Variants in PRTG observed in about 807,000 individuals in gnomAD.
PRTG encodes protogenin, also known as immunoglobulin superfamily, DCC subclass, member 5.
In PRTG, 67 loss-of-function variants were observed where a neutral mutation model predicts 122.5. The observed-to-expected ratio is 0.55, with a 90% CI of 0.45 to 0.67. The LOEUF is 0.67. Ranked by LOEUF, PRTG falls within the 30% of genes least tolerant of loss-of-function variation. The pLI is 0.00. For synonymous variants in PRTG, 554 were observed against 501.1 expected, an observed-to-expected ratio of 1.11 and a Z score of -1.41; for missense variants, 1,435 against 1,415.4, an observed-to-expected ratio of 1.01 and a Z score of -0.22.
chr15:55,639,409 G>C (rs995630270), intron 13 of PRTG, among the ~76,000 whole-genome samples: 2 of 152,106 alleles, frequency 1.3e-5, no homozygotes, highest in Non-Finnish European at 2.9e-5. Context: ...TAATCTTGTT[G>C]CATGAGGCAA....
chr15:55,710,416 T>C (rs868089274), intron 2 of PRTG, among the ~76,000 whole-genome samples: 1 of 152,224 alleles, frequency 6.6e-6, no homozygotes, highest in Non-Finnish European at 1.5e-5. Context: ...CAAACTGTTA[T>C]TTGTAGCACT....
At chr15:55,741,524 G>A (rs1004541395) in intron 1 of PRTG, among the ~76,000 whole-genome samples, 1 of 152,088 alleles carries the variant, frequency 6.6e-6, no homozygotes. Flanking sequence ...ATCGCCCCTG[G>A]GCCCTCGCCA....
rs552666154 is a variant in PRTG, at chr15:55,619,291, T to C, written c.*721A>G. On this transcript the variant is annotated 3_prime_UTR_variant, in exon 20 of 20. Coordinates refer to ENST00000389286, the MANE Select transcript of PRTG (RefSeq NM_173814.6). ...TCAAAAGAAATATACTTTCTTGTTT[T>C]GGTCATCGTTAGAAGAAATAGCCCC... 1 of 152,346 alleles carries C rather than the reference T, an allele frequency of 6.6e-6. No individual in the cohort carries two copies. The highest frequency in any genetic ancestry group is 2.1e-4 in the South Asian group (1 of 4,820). 9.4% of individuals were successfully genotyped at this position (152,346 alleles called of 1,614,324 possible).
intron 2 of PRTG, among the ~76,000 whole-genome samples, chr15:55,684,917 C>T (rs1220512463): frequency 6.6e-6 from 1 of 152,082 alleles, no homozygotes; most frequent in Non-Finnish European, 1.5e-5. Context: ...AGAGATCAAT[C>T]TTGAAGGGTT....
At chr15:55,630,500 G>C (rs2059221997) in intron 15 of PRTG, among the ~76,000 whole-genome samples, 1 of 152,186 alleles carries the variant, frequency 6.6e-6, no homozygotes, top group Non-Finnish European at 1.5e-5. Flanking sequence ...GAGTACTGAA[G>C]ACAGGTCTCA....
chr15:55,635,093 G>C (rs984204692), intron 15 of PRTG, among the ~76,000 whole-genome samples: 1 of 151,712 alleles, frequency 6.6e-6, no homozygotes, highest in Non-Finnish European at 1.5e-5. Flanking sequence ...GTGTGTGTGT[G>C]TGTGTGTGTG....
intron 11 of PRTG, among the ~76,000 whole-genome samples, chr15:55,663,504 T>C (rs938822085): frequency 1.3e-5 from 2 of 151,958 alleles, no homozygotes; most frequent in African/African-American, 2.4e-5. Flanking sequence ...TCTCTAGTCA[T>C]GGCAATCACT....
At chr15:55,638,292 G>T (rs2059269193) in intron 14 of PRTG, among the ~76,000 whole-genome samples, 1 of 152,020 alleles carries the variant, frequency 6.6e-6, no homozygotes, top group Non-Finnish European at 1.5e-5. Flanking sequence ...CAGCACACCT[G>T]ATCTTTTTTT....
At chr15:55,742,165 C>A (rs1000649826) in intron 1 of PRTG, 44 of 152,314 alleles carry the variant, frequency 2.9e-4, no homozygotes, top group African/African-American at 1.0e-3. Context: ...TATTTACCTA[C>A]CTTCCTTTTC....
chr15:55,630,028 C>T (rs972818220), intron 15 of PRTG, among the ~76,000 whole-genome samples: 1 of 150,552 alleles, frequency 6.6e-6, no homozygotes, highest in African/African-American at 2.4e-5. Flanking sequence ...ACTCTGTCGC[C>T]CAGGCTAGAG....
chr15:55,676,991 A>G (rs1207459087), intron 8 of PRTG, among the ~76,000 whole-genome samples: 2 of 152,144 alleles, frequency 1.3e-5, no homozygotes, highest in East Asian at 3.8e-4. Context: ...CCCCATCCTT[A>G]GGTGTTTGAA....
chr15:55,638,507 T>A (rs1264609598), intron 14 of PRTG, 42 bp downstream of exon 14: 28 of 1,478,020 alleles, frequency 1.9e-5, no homozygotes, highest in Non-Finnish European at 2.5e-5. Flanking sequence ...ATTTCCTTAA[T>A]TTTTTTTAAA....
chr15:55,724,812 T>C (rs1188322692), intron 2 of PRTG, among the ~76,000 whole-genome samples: 1 of 152,070 alleles, frequency 6.6e-6, no homozygotes, highest in Non-Finnish European at 1.5e-5. Context: ...AAGAATTATA[T>C]ATCTAGCAAA....
rs547238343 is a variant in PRTG at position 55,680,675 on chromosome 15, T to C, written c.677-47A>G. ...ATATAAAAATAAATTATAAATAAGA[T>C]ATAATAAGTGAAATTAGTGAGACAT... On this transcript the variant is annotated intron_variant, in intron 4 of 19. Transcript: ENST00000389286. The C allele has an allele frequency of 1.3e-5, 16 of 1,261,720 alleles. No individual in the cohort carries two copies. In the African/African-American group the frequency reaches 1.4e-4, roughly 11 times the overall value. 78.2% of individuals were successfully genotyped at this position (1,261,720 alleles called of 1,614,324 possible).
intron 2 of PRTG, among the ~76,000 whole-genome samples, chr15:55,737,174 G>A (rs1312631697): frequency 1.3e-5 from 2 of 152,146 alleles, no homozygotes; most frequent in Admixed American, 6.5e-5. Context: ...ATAGGAAATG[G>A]TTTAATCTTC....
chr15:55,636,049 G>A (rs1428411124), intron 15 of PRTG, among the ~76,000 whole-genome samples: 1 of 151,686 alleles, frequency 6.6e-6, no homozygotes, highest in Non-Finnish European at 1.5e-5. Context: ...TCAAGATTTA[G>A]GCTGGGCGTG....
In PRTG at chr15:55,740,496, T is replaced by G. The variant is rs2031574491; in HGVS notation, c.283A>C (p.Ile95Leu). ...CCTCGCCTGCCTTCCACCTCACTGA[T>G]GTATAAAGAGCCGTTAGAAAGAACC... ...IEVLSNGSLYISEVEGRRGEQ... is the reference protein window; with the variant it reads ...IEVLSNGSLYLSEVEGRRGEQ... The change falls in exon 2 of 20, where the codon ATC (isoleucine) becomes CTC (leucine). Residue 95 changes from isoleucine to leucine, a missense_variant. Ile to Leu is a conservative substitution (Grantham distance 5). Transcript: ENST00000389286. 8 of 1,614,102 alleles carry G rather than the reference T, an allele frequency of 5.0e-6. No homozygotes were observed. The highest frequency in any genetic ancestry group is 6.8e-6 in the Non-Finnish European group (8 of 1,180,042).
chr15:55,695,512 G>A (rs917160243), intron 2 of PRTG, among the ~76,000 whole-genome samples: 1 of 152,180 alleles, frequency 6.6e-6, no homozygotes, highest in East Asian at 1.9e-4. Context: ...GTTCAGCCAG[G>A]GGATCCCAAG....
At chr15:55,710,992 C>G (rs2030360292) in intron 2 of PRTG, among the ~76,000 whole-genome samples, 1 of 152,004 alleles carries the variant, frequency 6.6e-6, no homozygotes, top group African/African-American at 2.4e-5. Context: ...CTGCAAACTC[C>G]ACCTCCTGGG....
Sources: gnomAD v4.1 joint callset for allele counts (sites outside exome capture counted in the v4.1 genomes callset) on GRCh38, gnomAD v4.1.1 for gene constraint, MANE v1.5 for transcripts, NCBI Gene and HGNC (gene_info 2026-07-23, HGNC 2026-07-21) for gene names.